The following WWOX variants were observed in gnomAD, a reference collection of about 807,000 sequenced individuals.
WWOX encodes WW domain-containing oxidoreductase.
Under a neutral mutation model 46.2 loss-of-function variants are expected in WWOX, and 69 were observed. That is an observed-to-expected ratio of 1.49 (90% confidence interval 1.23 to 1.82). WWOX has a LOEUF of 1.82. Ranked by LOEUF, WWOX falls within the 40% of genes most tolerant of loss-of-function variation. The pLI is 0.00. For missense variants in WWOX, 919 were observed against 542.6 expected (o/e 1.69, Z -6.89); for synonymous variants, 359 against 202.6 (o/e 1.77, Z -6.56).
chr16:78,321,360 GTATATATATACGTATATATGCGTA>G (rs1567499316), intron 5 of WWOX, among the ~76,000 whole-genome samples: 1 of 40,314 alleles, frequency 2.5e-5, no homozygotes, highest in African/African-American at 1.6e-4. Flanking sequence ...GTATATATGC[GTATATATATACGTATATATGCGTA>G]TATATATACG....
intron 8 of WWOX, among the ~76,000 whole-genome samples, chr16:78,763,016 G>C (rs1043043976): frequency 6.6e-6 from 1 of 152,166 alleles, no homozygotes; most frequent in Non-Finnish European, 1.5e-5. Flanking sequence ...CATATGCAGA[G>C]GGGTAACTGA....
chr16:78,316,846 C>T (rs191423193), intron 5 of WWOX, among the ~76,000 whole-genome samples: 213 of 152,276 alleles, frequency 1.4e-3, no homozygotes, highest in African/African-American at 5.0e-3. Flanking sequence ...TAGATGTATA[C>T]CATTCAGTAC....
intron 4 of WWOX, among the ~76,000 whole-genome samples, chr16:78,137,704 G>C (rs1297336649): frequency 1.3e-5 from 2 of 152,126 alleles, no homozygotes; most frequent in Non-Finnish European, 2.9e-5. Context: ...TTCTAAAGTT[G>C]TTGTGGTCTC....
At chr16:78,481,640 A>G (rs1273126977) in intron 8 of WWOX, among the ~76,000 whole-genome samples, 1 of 138,018 alleles carries the variant, frequency 7.2e-6, no homozygotes, top group Non-Finnish European at 1.5e-5. Flanking sequence ...ATTGTGAAAA[A>G]AAAAAAGAAT....
chr16:78,681,141 T>C (rs2047719234), intron 8 of WWOX, among the ~76,000 whole-genome samples: 1 of 152,088 alleles, frequency 6.6e-6, no homozygotes, highest in African/African-American at 2.4e-5. Context: ...CCCAGCTACT[T>C]TGGAGGCTGA....
At chr16:78,150,139 A>C (rs1277314042) in intron 4 of WWOX, among the ~76,000 whole-genome samples, 1 of 152,144 alleles carries the variant, frequency 6.6e-6, no homozygotes, top group East Asian at 1.9e-4. Context: ...GGTTCCCACG[A>C]CCATCTCCTC....
intron 8 of WWOX, among the ~76,000 whole-genome samples, chr16:78,659,517 A>C (rs1002642584): frequency 6.6e-6 from 1 of 152,012 alleles, no homozygotes; most frequent in Non-Finnish European, 1.5e-5. Flanking sequence ...AAGTTTGAGA[A>C]CTTCTGATCA....
intron 5 of WWOX, among the ~76,000 whole-genome samples, chr16:78,272,557 C>G (rs948686229): frequency 6.6e-6 from 1 of 152,158 alleles, no homozygotes; most frequent in African/African-American, 2.4e-5. Flanking sequence ...GTAGAAGTGA[C>G]AAAGAATTTG....
intron 8 of WWOX, among the ~76,000 whole-genome samples, chr16:78,840,919 T>C (rs1567597006): frequency 1.3e-5 from 2 of 152,092 alleles, no homozygotes; most frequent in Admixed American, 1.3e-4. Flanking sequence ...TAGTTCTCAA[T>C]AGTAGGACTA....
intron 5 of WWOX, among the ~76,000 whole-genome samples, chr16:78,333,607 A>G (rs1374764702): frequency 6.6e-6 from 1 of 152,210 alleles, no homozygotes; most frequent in African/African-American, 2.4e-5. Context: ...ACAGATATTC[A>G]TCTTAATTGA....
intron 8 of WWOX, among the ~76,000 whole-genome samples, chr16:78,452,310 T>A (rs931016955): frequency 1.3e-5 from 2 of 152,186 alleles, no homozygotes; most frequent in African/African-American, 4.8e-5. Context: ...AATTTTTTTT[T>A]ACTGTCATAT....
intron 4 of WWOX, among the ~76,000 whole-genome samples, chr16:78,129,477 G>T (rs1473812560): frequency 6.6e-6 from 1 of 152,276 alleles, no homozygotes; most frequent in South Asian, 2.1e-4. Context: ...TAAAAATACA[G>T]TGTTGTAATC....
rs535771300 is a variant in WWOX, at chr16:78,690,482, G to A, written c.1056+257730G>A. 8.5e-5 allele frequency among the ~76,000 whole-genome samples: 13 copies of A among 152,240 alleles called. No homozygotes were observed. In the South Asian group the frequency reaches 2.1e-3, roughly 24 times the overall value. ...TGGGAGGATTGCTTGGGCCCTGGAC[G>A]TCAAGGCTGCAGTGGGCCATGATCG... On this transcript the variant is annotated intron_variant, in intron 8 of 8. Transcript: ENST00000566780.
chr16:78,312,105 C>G (rs888789259), intron 5 of WWOX, among the ~76,000 whole-genome samples: 2 of 152,128 alleles, frequency 1.3e-5, no homozygotes, highest in Admixed American at 6.6e-5. Flanking sequence ...TTTGCCTCCT[C>G]CTCTTACTTT....
rs1567493179 is a variant in WWOX at position 78,690,173 on chromosome 16, TA to T, written c.1056+257423del. On this transcript the variant is annotated intron_variant, in intron 8 of 8. Coordinates refer to ENST00000566780, the MANE Select transcript of WWOX (RefSeq NM_016373.4). ...ACCGAGCCCGGCCAGGATAACTTTT[TA>T]ACAACCCCCCCTCCACACTGCCAAC... 7.2e-5 allele frequency among the ~76,000 whole-genome samples: 11 copies of T among 152,284 alleles called. No homozygotes were observed. In the South Asian group the frequency reaches 2.1e-3, roughly 29 times the overall value.
chr16:78,273,614 T>G (rs144206336), intron 5 of WWOX, among the ~76,000 whole-genome samples: 1 of 152,210 alleles, frequency 6.6e-6, no homozygotes, highest in East Asian at 1.9e-4. Context: ...GGGAAACAAC[T>G]CTAGTCACCC....
intron 5 of WWOX, among the ~76,000 whole-genome samples, chr16:78,226,819 C>G (rs768800926): frequency 5.9e-4 from 90 of 152,272 alleles, no homozygotes; most frequent in Non-Finnish European, 9.7e-4. Context: ...CCAGCCTTCC[C>G]TACCTGCTGA....
intron 8 of WWOX, among the ~76,000 whole-genome samples, chr16:78,693,421 G>C (rs1022493542): frequency 6.6e-5 from 10 of 152,100 alleles, no homozygotes; most frequent in African/African-American, 2.4e-4. Context: ...TGCTCTGTCA[G>C]CCACCCTATA....
intron 8 of WWOX, among the ~76,000 whole-genome samples, chr16:78,757,746 TATAA>T (rs377602324): frequency 1.3e-5 from 2 of 152,056 alleles, no homozygotes; most frequent in South Asian, 2.1e-4. Flanking sequence ...TAAATTTTCC[TATAA>T]ATAATCTTTC....
Sources: gnomAD v4.1 joint callset for allele counts (sites outside exome capture counted in the v4.1 genomes callset) on GRCh38, gnomAD v4.1.1 for gene constraint, MANE v1.5 for transcripts, NCBI Gene and HGNC (gene_info 2026-07-23, HGNC 2026-07-21) for gene names.